The following SLC7A11 variants were observed in gnomAD, a reference collection of about 807,000 sequenced individuals.
The protein encoded by SLC7A11 is solute carrier family 7 member 11.
A neutral mutation model predicts 54.5 loss-of-function variants in SLC7A11; 35 were observed. The ratio of observed to expected loss-of-function variants is 0.64; its 90% CI spans 0.49 to 0.85. SLC7A11 has a LOEUF of 0.85. Among genes scored for constraint, SLC7A11 ranks in the 40% least tolerant of loss-of-function variants. The pLI, the probability that SLC7A11 is intolerant of heterozygous loss-of-function variation, is 0.00. For synonymous variants in SLC7A11, 230 were observed against 225.2 expected (o/e 1.02, Z -0.19); for missense variants, 583 against 618.1 (o/e 0.94, Z 0.60).
chr4:138,219,187 C>T (rs1257925426), intron 5 of SLC7A11, 79 bp downstream of exon 5: 3 of 796,264 alleles, frequency 3.8e-6, no homozygotes, highest in East Asian at 2.5e-5. Flanking sequence ...TTGCCTGGCA[C>T]CTTGCTTGGC....
At chr4:138,180,899 G>A in intron 9 of SLC7A11, 109 bp from the exon 10 acceptor site, 1 of 946,788 alleles carries the variant, frequency 1.1e-6, no homozygotes, top group Non-Finnish European at 1.5e-6. Context: ...TATTTATACC[G>A]ATAAATTATC....
chr4:138,199,143 T>C (rs185059420), intron 6 of SLC7A11, among the ~76,000 whole-genome samples: 140 of 152,190 alleles, frequency 9.2e-4, no homozygotes, highest in African/African-American at 3.2e-3. Context: ...AAAATGCACA[T>C]TTACATTTAT....
chr4:138,235,389 T>C (rs1409849701), intron 2 of SLC7A11, among the ~76,000 whole-genome samples: 1 of 146,514 alleles, frequency 6.8e-6, no homozygotes, highest in Non-Finnish European at 1.5e-5. Flanking sequence ...TATACTACTT[T>C]GAAGATCTTT....
In SLC7A11 at chr4:138,223,297, C is replaced by A; in HGVS notation, c.548G>T (p.Ser183Ile). 1 of 1,613,632 alleles carries A rather than the reference C, an allele frequency of 6.2e-7. No homozygotes were observed. The highest frequency in any genetic ancestry group is 8.5e-7 in the Non-Finnish European group (1 of 1,179,596). ...ITVVMVLNSM[S>I]VSWSARIQIF... ...CTGGATCCGGGCGCTCCAGCTGACACTCATGCTATTTAGGACCATCACTAC... is the reference window on the plus strand; with the variant it reads ...CTGGATCCGGGCGCTCCAGCTGACAATCATGCTATTTAGGACCATCACTAC... The change falls in exon 4 of 12, where the codon AGT becomes ATT. Residue 183 changes from serine (S) to isoleucine (I), a missense_variant. Transcript: ENST00000280612.
intron 2 of SLC7A11, 68 bp from the exon 3 acceptor site, chr4:138,232,450 A>G (rs990633939): frequency 2.4e-6 from 2 of 825,540 alleles, no homozygotes; most frequent in East Asian, 2.5e-5. Context: ...AATTTTTTCT[A>G]CCTTGAGTGT....
In SLC7A11 at chr4:138,170,470, C is replaced by T. The variant is rs1234556666; in HGVS notation, c.*1486G>A. On this transcript the variant is annotated 3_prime_UTR_variant, in exon 12 of 12. Transcript: ENST00000280612. ...TAGCTGAGATTACCAGCATGTGCCA[C>T]CATGCCCAGCTAATTTTGTATTTTT... The T allele has an allele frequency of 6.6e-6, 1 of 151,380 alleles. No individual in the cohort carries two copies. The highest frequency in any genetic ancestry group is 2.4e-5 in the African/African-American group (1 of 41,204). The allele number at this position is 151,380 out of a possible 1,614,324, so 9.4% of individuals were successfully genotyped here.
chr4:138,226,339 T>A (rs761362068), intron 3 of SLC7A11, among the ~76,000 whole-genome samples: 1 of 152,192 alleles, frequency 6.6e-6, no homozygotes, highest in Non-Finnish European at 1.5e-5. Context: ...AATACATACA[T>A]CACACTTTAT....
rs142385713 is a variant in SLC7A11, at chr4:138,235,973, A to G, written c.404+352T>C. On this transcript the variant is annotated intron_variant, in intron 2 of 11. Coordinates refer to ENST00000280612, the MANE Select transcript of SLC7A11 (RefSeq NM_014331.4). The stretch of plus-strand genomic sequence containing the variant: ...TAATCTACAATAAGAGAAAACTTCA[A>G]TATTTAATTTGGTCTAGTTGGTCAA... Among the ~76,000 whole-genome samples the G allele has an allele frequency of 3.5e-3, 540 of 152,322 alleles. 2 individuals carry two copies. Among genetic ancestry groups the G allele is most frequent in the African/African-American group, 0.011 (463 of 41,576 alleles).
At position 138,232,285 on chromosome 4, in the gene SLC7A11, T is replaced by C. The variant is rs973560187; in HGVS notation, c.502A>G (p.Ile168Val). Residue 168 changes from isoleucine (I) to valine (V), a missense_variant, in exon 3 of 12, where the codon ATT becomes GTT. Physicochemically the swap from Ile to Val is conservative, Grantham distance 29 (BLOSUM62 3). Transcript: ENST00000280612. ...CEIPELAIKLITAVGITVVMV... is the reference protein window; with the variant it reads ...CEIPELAIKLVTAVGITVVMV... ...TACTCACTTATGCCCACAGCTGTAA[T>C]GAGCTTGATCGCAAGTTCAGGGATT... 1.9e-6 allele frequency: 3 copies of C among 1,608,130 alleles called. No homozygotes were observed. The highest frequency in any genetic ancestry group is 2.6e-6 in the Non-Finnish European group (3 of 1,174,504).
chr4:138,203,199 TAACTA>T (rs1371871429), intron 6 of SLC7A11, among the ~76,000 whole-genome samples: 1 of 152,094 alleles, frequency 6.6e-6, no homozygotes, highest in African/African-American at 2.4e-5. Flanking sequence ...TCTAAAAAGA[TAACTA>T]TAATATTTTA....
intron 6 of SLC7A11, among the ~76,000 whole-genome samples, chr4:138,213,870 A>G (rs12648268): frequency 0.28 from 42,513 of 152,042 alleles, 6,706 homozygotes; most frequent in East Asian, 0.56. Context: ...TAACTTTATA[A>G]TTTAGTCTAC....
At chr4:138,208,141 T>C (rs541895840) in intron 6 of SLC7A11, among the ~76,000 whole-genome samples, 94 of 152,210 alleles carry the variant, frequency 6.2e-4, no homozygotes, top group Non-Finnish European at 1.1e-3. Context: ...TCAATTAATA[T>C]AAACTGGAAG....
intron 3 of SLC7A11, among the ~76,000 whole-genome samples, chr4:138,231,002 A>C (rs754901676): frequency 3.3e-5 from 5 of 152,186 alleles, no homozygotes; most frequent in East Asian, 1.9e-4. Context: ...TTGTCTTCTT[A>C]ATAAATTGAA....
At chr4:138,174,918 A>G (rs1385108014) in intron 11 of SLC7A11, 1 of 152,218 alleles carries the variant, frequency 6.6e-6, no homozygotes, top group Non-Finnish European at 1.5e-5. Flanking sequence ...CATACCTGGT[A>G]CCAATATGGG....
chr4:138,189,107 A>T (rs1478335979), intron 6 of SLC7A11, among the ~76,000 whole-genome samples: 1 of 152,100 alleles, frequency 6.6e-6, no homozygotes, highest in African/African-American at 2.4e-5. Flanking sequence ...TACTTGCTTT[A>T]TTTGAAATTG....
In SLC7A11 at chr4:138,219,290, T is replaced by C; in HGVS notation, c.722A>G (p.Tyr241Cys). The C allele has an allele frequency of 6.2e-7, 1 of 1,606,298 alleles. No individual in the cohort carries two copies. The highest frequency in any genetic ancestry group is 8.5e-7 in the Non-Finnish European group (1 of 1,173,062). Residue 241 changes from tyrosine to cysteine, a missense_variant, in exon 5 of 12, where the codon TAT becomes TGT. Transcript: ENST00000280612. ...SITRLPLAFYYGMYAYAGWFY... is the reference protein window; with the variant it reads ...SITRLPLAFYCGMYAYAGWFY... The stretch of plus-strand genomic sequence containing the variant: ...CCAGCCAGCATATGCATACATTCCA[T>C]AATAAAAAGCCAGTGGCAACCGCGT...
At position 138,173,690 on chromosome 4, in the gene SLC7A11, T is replaced by C. The variant is rs555424185; in HGVS notation, c.1445-1673A>G. On this transcript the variant is annotated intron_variant, in intron 11 of 11. Transcript: ENST00000280612. ...TTTCTTCTGTGTTTGTCAAAGATAC[T>C]GTCCTCAGCCCACTAATTTTACAGT... is the stretch of plus-strand genomic sequence containing the variant. Among the ~76,000 whole-genome samples the C allele has an allele frequency of 2.0e-5, 3 of 152,090 alleles. No individual in the cohort carries two copies. The South Asian group carries it at 6.2e-4, about 32-fold the overall frequency.
In SLC7A11 at chr4:138,171,036, ATCT is replaced by A. The variant is rs541222446; in HGVS notation, c.*917_*919del. ...CAGATATGGGACTATTATTTTGAAC[ATCT>A]TCTTTGTTGGTGATTTCTCTCATGT... is the stretch of plus-strand genomic sequence containing the variant. On this transcript the variant is annotated 3_prime_UTR_variant, in exon 12 of 12. Coordinates refer to ENST00000280612, the MANE Select transcript of SLC7A11 (RefSeq NM_014331.4). 33 of 152,306 alleles carry A rather than the reference ATCT, an allele frequency of 2.2e-4. No homozygotes were observed. The highest frequency in any genetic ancestry group is 2.1e-3 in the South Asian group (10 of 4,832). The allele number at this position is 152,306 out of a possible 1,614,324, so 9.4% of individuals were successfully genotyped here. A position where few individuals can be genotyped will look rare whatever the true frequency, so the allele number is the denominator to read the frequency against.
chr4:138,204,909 G>A (rs1290418322), intron 6 of SLC7A11, among the ~76,000 whole-genome samples: 1 of 151,918 alleles, frequency 6.6e-6, no homozygotes, highest in East Asian at 1.9e-4. Context: ...TGATTAATAG[G>A]TCATGTATGT....
Sources: gnomAD v4.1 joint callset for allele counts (sites outside exome capture counted in the v4.1 genomes callset) on GRCh38, gnomAD v4.1.1 for gene constraint, MANE v1.5 for transcripts, NCBI Gene and HGNC (gene_info 2026-07-23, HGNC 2026-07-21) for gene names.